The following FHIP1A variants were observed in gnomAD, a reference collection of about 807,000 sequenced individuals.
FHIP1A encodes the protein FHF complex subunit HOOK-interacting protein 1A.
In FHIP1A, 61 loss-of-function variants were observed where a neutral mutation model predicts 88.6. The ratio of observed to expected loss-of-function variants is 0.69; its 90% CI spans 0.56 to 0.85. The LOEUF is 0.85. Among genes scored for constraint, FHIP1A ranks in the 40% least tolerant of loss-of-function variants. FHIP1A has a pLI of 0.00. For synonymous variants in FHIP1A, 478 were observed against 496.0 expected (o/e 0.96, Z 0.48); for missense variants, 1,154 against 1,273.5 (o/e 0.91, Z 1.43).
intron 3 of FHIP1A, among the ~76,000 whole-genome samples, chr4:151,504,226 T>G (rs1730747602): frequency 6.6e-6 from 1 of 152,242 alleles, no homozygotes; most frequent in Non-Finnish European, 1.5e-5. Flanking sequence ...CTCAAACATT[T>G]ATCAGAAACA....
At chr4:151,653,283 G>T (rs1378007807) in intron 11 of FHIP1A, among the ~76,000 whole-genome samples, 1 of 152,092 alleles carries the variant, frequency 6.6e-6, no homozygotes, top group Non-Finnish European at 1.5e-5. Flanking sequence ...AGATGAGACA[G>T]CTCTGTATGT....
At position 151,577,909 on chromosome 4, in the gene FHIP1A, G is replaced by C. The variant is rs1169598909; in HGVS notation, c.565G>C (p.Asp189His). 1.1e-5 allele frequency: 17 copies of C among 1,551,690 alleles called. No homozygotes were observed. The highest frequency in any genetic ancestry group is 1.5e-5 in the Non-Finnish European group (17 of 1,146,988). Residue 189 changes from aspartate (D) to histidine (H), a missense_variant, in exon 5 of 14, where the codon GAC (aspartate) becomes CAC (histidine). Transcript: ENST00000435205. ...AGAACTCTTCTTCCACACTAGTGAA[G>C]ACCAAGGCGCTGCCAACTTCCTCAT... Reference protein sequence around the residue: ...ILELFFHTSEDQGAANFLIFS... With the variant: ...ILELFFHTSEHQGAANFLIFS...
At chr4:151,493,558 G>C (rs1730356898) in intron 3 of FHIP1A, among the ~76,000 whole-genome samples, 1 of 152,022 alleles carries the variant, frequency 6.6e-6, no homozygotes, top group African/African-American at 2.4e-5. Flanking sequence ...GATTAACATA[G>C]AAGCAAAAAT....
At chr4:151,603,124 A>G (rs1734936019) in intron 7 of FHIP1A, among the ~76,000 whole-genome samples, 1 of 152,168 alleles carries the variant, frequency 6.6e-6, no homozygotes, top group African/African-American at 2.4e-5. Flanking sequence ...CAGCCTGGCC[A>G]ATATGGTGAA....
At chr4:151,450,151 G>GA (rs1412240206) in intron 1 of FHIP1A, among the ~76,000 whole-genome samples, 1 of 151,970 alleles carries the variant, frequency 6.6e-6, no homozygotes, top group Non-Finnish European at 1.5e-5. Flanking sequence ...AGTATTATTT[G>GA]AAAAAACTTA....
At chr4:151,429,252 G>A (rs1218250244) in intron 1 of FHIP1A, among the ~76,000 whole-genome samples, 1 of 152,184 alleles carries the variant, frequency 6.6e-6, no homozygotes, top group Non-Finnish European at 1.5e-5. Flanking sequence ...GTTCACCATT[G>A]TTTCCCCAAC....
At chr4:151,530,224 G>C (rs940809895) in intron 3 of FHIP1A, among the ~76,000 whole-genome samples, 3 of 152,144 alleles carry the variant, frequency 2.0e-5, no homozygotes, top group Non-Finnish European at 4.4e-5. Context: ...TCCTGAAGTA[G>C]ATCCTGTCAG....
Position 151,621,174 on chromosome 4 carries a change from G to A in FHIP1A, c.979-8528G>A, listed in dbSNP as rs115237976. ...CACCGCACACTAAGTTTTTTTTGAG[G>A]GCTTGCTGTCCCCTCATTTTTGTGT... On this transcript the variant is annotated intron_variant, in intron 7 of 13. Transcript: ENST00000435205. 8.3e-3 allele frequency among the ~76,000 whole-genome samples: 1,268 copies of A among 152,086 alleles called. 20 individuals carry two copies. The highest frequency in any genetic ancestry group is 0.03 in the African/African-American group (1,228 of 41,484).
intron 3 of FHIP1A, among the ~76,000 whole-genome samples, chr4:151,505,133 A>G (rs1018015323): frequency 1.3e-5 from 2 of 152,036 alleles, no homozygotes; most frequent in Admixed American, 6.6e-5. Context: ...TAAAAACGTA[A>G]ATGTCTTACC....
chr4:151,606,606 C>T (rs1385590067), intron 7 of FHIP1A, among the ~76,000 whole-genome samples: 2 of 152,204 alleles, frequency 1.3e-5, no homozygotes, highest in Non-Finnish European at 2.9e-5. Context: ...TTTCATATTT[C>T]TACTTATATA....
chr4:151,645,753 G>C (rs1736770216), intron 9 of FHIP1A, among the ~76,000 whole-genome samples: 1 of 151,694 alleles, frequency 6.6e-6, no homozygotes, highest in Non-Finnish European at 1.5e-5. Flanking sequence ...TGTTAAGAAA[G>C]TAAGTCATTT....
At chr4:151,474,929 T>C (rs1336619897) in intron 2 of FHIP1A, among the ~76,000 whole-genome samples, 1 of 152,200 alleles carries the variant, frequency 6.6e-6, no homozygotes, top group Non-Finnish European at 1.5e-5. Flanking sequence ...ACAGTATTCC[T>C]CAGACTTTCA....
chr4:151,652,808 A>T (rs1378936943), intron 11 of FHIP1A, among the ~76,000 whole-genome samples: 1 of 152,152 alleles, frequency 6.6e-6, no homozygotes. Context: ...GTGGGGTATG[A>T]CCGCATTGGG....
At position 151,431,320 on chromosome 4, in the gene FHIP1A, A is replaced by G. The variant is rs138952976; in HGVS notation, c.-356+21855A>G. On this transcript the variant is annotated intron_variant, in intron 1 of 13. Coordinates refer to ENST00000435205, the MANE Select transcript of FHIP1A (RefSeq NM_001109977.3). ...CCGCCACTCCCTACCTCCAAATGCA[A>G]TTGTCCCCCAGAGGGATTTGAATAA... 1.3e-3 allele frequency among the ~76,000 whole-genome samples: 201 copies of G among 152,196 alleles called. 1 individual carries two copies. The highest frequency in any genetic ancestry group is 4.6e-3 in the African/African-American group (191 of 41,530).
intron 1 of FHIP1A, among the ~76,000 whole-genome samples, chr4:151,453,960 A>G (rs955656748): frequency 2.6e-5 from 4 of 152,356 alleles, no homozygotes; most frequent in Non-Finnish European, 5.9e-5. Flanking sequence ...CTATGAATAT[A>G]TAATAATATA....
chr4:151,611,186 G>A (rs1293494861), intron 7 of FHIP1A, among the ~76,000 whole-genome samples: 1 of 152,058 alleles, frequency 6.6e-6, no homozygotes, highest in African/African-American at 2.4e-5. Context: ...TTGTGAGGTG[G>A]CATGGAGTGG....
At chr4:151,468,897 C>T (rs1477618385) in intron 2 of FHIP1A, among the ~76,000 whole-genome samples, 2 of 152,154 alleles carry the variant, frequency 1.3e-5, no homozygotes, top group African/African-American at 4.8e-5. Flanking sequence ...TCATTATGAA[C>T]CTGTTCCTGT....
chr4:151,645,739 T>C (rs1188174824), intron 9 of FHIP1A, among the ~76,000 whole-genome samples: 2 of 151,886 alleles, frequency 1.3e-5, no homozygotes, highest in South Asian at 2.1e-4. Context: ...ATGTTTTTTT[T>C]CCCTGTTAAG....
intron 1 of FHIP1A, among the ~76,000 whole-genome samples, chr4:151,446,581 CTTTTTTTTTTT>C (rs35115788): frequency 4.5e-5 from 5 of 109,968 alleles, no homozygotes; most frequent in African/African-American, 6.8e-5. Context: ...TGTTCTTTTT[CTTTTTTTTTTT>C]TTTTTTTTGG....
Sources: gnomAD v4.1 joint callset for allele counts (sites outside exome capture counted in the v4.1 genomes callset) on GRCh38, gnomAD v4.1.1 for gene constraint, MANE v1.5 for transcripts, NCBI Gene and HGNC (gene_info 2026-07-23, HGNC 2026-07-21) for gene names.